The following KCNMA1 variants were observed in gnomAD, a reference collection of about 807,000 sequenced individuals.
The protein encoded by KCNMA1 is Calcium-activated potassium channel subunit alpha-1.
Under a neutral mutation model 140.0 loss-of-function variants are expected in KCNMA1, and 29 were observed. That is an observed-to-expected ratio of 0.21 (90% confidence interval 0.15 to 0.28). KCNMA1 has a LOEUF of 0.28. Ranked by LOEUF, KCNMA1 falls within the 10% of genes least tolerant of loss-of-function variation. KCNMA1 has a pLI of 1.00. For missense variants in KCNMA1, 880 were observed against 1,602.2 expected (o/e 0.55, Z 7.70); for synonymous variants, 612 against 611.9 (o/e 1.00, Z 0.00).
intron 19 of KCNMA1, chr10:76,978,698 G>A (rs1249914405): frequency 2.0e-5 from 3 of 152,054 alleles, no homozygotes; most frequent in Non-Finnish European, 4.4e-5. Flanking sequence ...ATTTACTGTA[G>A]GTCAAATCAG....
intron 2 of KCNMA1, among the ~76,000 whole-genome samples, chr10:77,387,514 C>T (rs2095645032): frequency 6.6e-6 from 1 of 151,290 alleles, no homozygotes; most frequent in African/African-American, 2.4e-5. Flanking sequence ...CATCATTAGT[C>T]AGTCATGGAA....
At chr10:77,506,914 G>A (rs1490746953) in intron 1 of KCNMA1, among the ~76,000 whole-genome samples, 1 of 151,858 alleles carries the variant, frequency 6.6e-6, no homozygotes, top group African/African-American at 2.4e-5. Context: ...TGAAGAGAGA[G>A]AGTAAAAGAC....
intron 9 of KCNMA1, among the ~76,000 whole-genome samples, chr10:77,093,246 G>A (rs915170090): frequency 1.1e-4 from 16 of 152,098 alleles, no homozygotes; most frequent in African/African-American, 1.9e-4. Flanking sequence ...TTCCTTCAAC[G>A]TAATTGGTAT....
chr10:77,287,075 A>C (rs1000236419), intron 2 of KCNMA1, among the ~76,000 whole-genome samples: 1 of 152,216 alleles, frequency 6.6e-6, no homozygotes, highest in Non-Finnish European at 1.5e-5. Flanking sequence ...CAGGGGAATC[A>C]AGGACAACTT....
chr10:77,537,232 C>T (rs1228492434), intron 1 of KCNMA1, among the ~76,000 whole-genome samples: 1 of 152,078 alleles, frequency 6.6e-6, no homozygotes, highest in East Asian at 1.9e-4. Flanking sequence ...ATTGCTTCCC[C>T]TCCACCCCCC....
At chr10:77,443,157 C>A (rs930346944) in intron 1 of KCNMA1, among the ~76,000 whole-genome samples, 4 of 152,218 alleles carry the variant, frequency 2.6e-5, no homozygotes, top group Non-Finnish European at 5.9e-5. Flanking sequence ...AGGGGCCAGA[C>A]TGGCTCCCAA....
intron 2 of KCNMA1, among the ~76,000 whole-genome samples, chr10:77,333,769 C>T (rs916053514): frequency 6.6e-6 from 1 of 152,178 alleles, no homozygotes; most frequent in African/African-American, 2.4e-5. Context: ...TACGGAGTGA[C>T]TCCGCAGCTG....
chr10:77,571,782 G>T (rs538678324), intron 1 of KCNMA1, among the ~76,000 whole-genome samples: 1 of 152,242 alleles, frequency 6.6e-6, no homozygotes, highest in African/African-American at 2.4e-5. Flanking sequence ...TAAACACAGC[G>T]AAGTCTTTCT....
At chr10:77,161,645 G>A (rs1442170371) in intron 5 of KCNMA1, among the ~76,000 whole-genome samples, 1 of 152,200 alleles carries the variant, frequency 6.6e-6, no homozygotes, top group Non-Finnish European at 1.5e-5. Context: ...CTATTAAGCT[G>A]AATTCAGTTA....
Position 77,404,117 on chromosome 10 carries a change from C to G in KCNMA1, c.379-94G>C. 2.4e-6 allele frequency: 3 copies of G among 1,243,646 alleles called. No individual in the cohort carries two copies. In the South Asian group the frequency reaches 3.6e-5, roughly 15 times the overall value. The allele number at this position is 1,243,646 out of a possible 1,614,324, so 77.0% of individuals were successfully genotyped here. A position where few individuals can be genotyped will look rare whatever the true frequency, so the allele number is the denominator to read the frequency against. On this transcript the variant is annotated intron_variant, in intron 1 of 27. Coordinates refer to ENST00000286628, the MANE Select transcript of KCNMA1 (RefSeq NM_001161352.2). ...AAGAACCAGAGCCAGAAGGGGTCCC[C>G]AGCTGAGATGGAAACTAGCTTAAAG...
intron 1 of KCNMA1, among the ~76,000 whole-genome samples, chr10:77,491,351 C>T (rs2039772451): frequency 6.6e-6 from 1 of 152,116 alleles, no homozygotes; most frequent in South Asian, 2.1e-4. Context: ...CCCTCAGTTA[C>T]TAGGTCACCT....
chr10:77,138,925 AT>A (rs1222441743), intron 5 of KCNMA1, among the ~76,000 whole-genome samples: 1 of 152,146 alleles, frequency 6.6e-6, no homozygotes, highest in African/African-American at 2.4e-5. Flanking sequence ...CTTCGCCGCC[AT>A]TATCCATTCT....
intron 9 of KCNMA1, among the ~76,000 whole-genome samples, chr10:77,097,298 G>C (rs3781170): frequency 0.97 from 147,583 of 152,250 alleles, 71,723 homozygotes; most frequent in Non-Finnish European, 1. Flanking sequence ...CTCCTTTACT[G>C]AATGTCTCAA....
chr10:77,279,185 A>G (rs990731685), intron 2 of KCNMA1, among the ~76,000 whole-genome samples: 1 of 152,224 alleles, frequency 6.6e-6, no homozygotes, highest in African/African-American at 2.4e-5. Context: ...TGTGAACTCT[A>G]CTACATTTAG....
chr10:77,219,876 G>A lies in KCNMA1; in HGVS notation c.602+31319C>T, dbSNP rs117262541. ...ACTAACATGGTAACTCATGATTGCC[G>A]AACACTGGCTGAGCAGTCATGCTCT... On this transcript the variant is annotated intron_variant, in intron 3 of 27. Coordinates refer to ENST00000286628, the MANE Select transcript of KCNMA1 (RefSeq NM_001161352.2). Among the ~76,000 whole-genome samples the A allele has an allele frequency of 2.8e-4, 43 of 152,294 alleles. 1 individual carries two copies. The East Asian group carries it at 6.6e-3, about 23-fold the overall frequency.
chr10:77,505,841 G>A (rs2045604698), intron 1 of KCNMA1, among the ~76,000 whole-genome samples: 1 of 152,206 alleles, frequency 6.6e-6, no homozygotes, highest in African/African-American at 2.4e-5. Flanking sequence ...GTTTAAGTGG[G>A]TAGTAAGATG....
At chr10:77,157,831 G>T (rs900257195) in intron 5 of KCNMA1, among the ~76,000 whole-genome samples, 2 of 152,168 alleles carry the variant, frequency 1.3e-5, no homozygotes, top group African/African-American at 2.4e-5. Flanking sequence ...CAGCGTCCTG[G>T]CACCCTCTCC....
intron 3 of KCNMA1, among the ~76,000 whole-genome samples, chr10:77,207,304 A>G (rs2154167840): frequency 6.6e-6 from 1 of 152,346 alleles, no homozygotes; most frequent in Non-Finnish European, 1.5e-5. Flanking sequence ...ATATTGGAAT[A>G]TAACACATTG....
intron 5 of KCNMA1, among the ~76,000 whole-genome samples, chr10:77,164,329 C>T (rs752606453): frequency 2.6e-4 from 40 of 152,124 alleles, no homozygotes; most frequent in Non-Finnish European, 5.7e-4. Flanking sequence ...CCAGGTTGAA[C>T]ACACACCAGC....
Sources: allele counts gnomAD v4.1 joint callset (sites outside exome capture counted in the v4.1 genomes callset), GRCh38; gene constraint gnomAD v4.1.1; transcripts MANE v1.5; gene names NCBI Gene and HGNC (gene_info 2026-07-23, HGNC 2026-07-21).